The following SLC25A29 variants were observed in gnomAD, a reference collection of about 807,000 sequenced individuals.
SLC25A29 encodes the protein mitochondrial basic amino acids transporter.
A neutral mutation model predicts 10.0 loss-of-function variants in SLC25A29; 13 were observed. The observed-to-expected ratio is 1.30, with a 90% CI of 0.85 to 2.07. The LOEUF is 2.07. Ranked by LOEUF, SLC25A29 falls within the 30% of genes most tolerant of loss-of-function variation. The pLI is 0.00. For synonymous variants in SLC25A29, 244 were observed against 221.1 expected, an observed-to-expected ratio of 1.10 and a Z score of -0.92; for missense variants, 475 against 447.6, an observed-to-expected ratio of 1.06 and a Z score of -0.55.
downstream of SLC25A29, among the ~76,000 whole-genome samples, chr14:100,286,494 A>AGTG (rs1272664697): frequency 4.6e-5 from 1 of 21,692 alleles, no homozygotes; most frequent in Admixed American, 4.7e-4. Flanking sequence ...TTGCTTGCAG[A>AGTG]GGGGCGCTGG....
chr14:100,290,319 G>A (rs1345830919), downstream of SLC25A29, among the ~76,000 whole-genome samples: 2 of 152,252 alleles, frequency 1.3e-5, no homozygotes, highest in Non-Finnish European at 2.9e-5. Context: ...TGGCCAGGGT[G>A]TTTCCCCCAT....
intron 2 of SLC25A29, chr14:100,295,623 T>TA: frequency 7.8e-7 from 1 of 1,289,302 alleles, no homozygotes; most frequent in East Asian, 5.5e-5. Context: ...GGTCTGTACT[T>TA]ACTAGCGCTC....
chr14:100,293,238 C>T (rs920614993), intron 3 of SLC25A29, 56 bp downstream of exon 3: 6 of 1,581,772 alleles, frequency 3.8e-6, no homozygotes, highest in East Asian at 2.3e-5. Flanking sequence ...GGTGGCAGCC[C>T]GGAAGCTAGT....
At chr14:100,288,382 C>CA (rs541814439), downstream of SLC25A29, among the ~76,000 whole-genome samples, 558 of 63,824 alleles carry the variant, frequency 8.7e-3, 55 homozygotes, top group African/African-American at 0.028. Flanking sequence ...AACTCTATCT[C>CA]AAAAAAAAAA....
At chr14:100,288,007 G>A (rs1287636413), downstream of SLC25A29, among the ~76,000 whole-genome samples, 11 of 152,182 alleles carry the variant, frequency 7.2e-5, no homozygotes, top group Admixed American at 7.2e-4. Context: ...GAGACCAGAG[G>A]TCAAGGGGTG....
intron 2 of SLC25A29, 77 bp from the exon 3 acceptor site, chr14:100,293,454 C>T: frequency 2.2e-6 from 3 of 1,380,730 alleles, no homozygotes; most frequent in Non-Finnish European, 3.0e-6. Flanking sequence ...GCTTAGGCTG[C>T]CTAGGAGGGT....
At chr14:100,295,304 G>A (rs540950141) in intron 2 of SLC25A29, 1 of 246,064 alleles carries the variant, frequency 4.1e-6, no homozygotes, top group African/African-American at 2.3e-5. Context: ...TATAGCTCAG[G>A]CTCTTAAAAT....
chr14:100,298,949 A>G (rs562150091), intron 1 of SLC25A29, 64 bp from the exon 2 acceptor site: 1 of 1,592,398 alleles, frequency 6.3e-7, no homozygotes. Context: ...GGTGCTGGGC[A>G]GGAGGGGGTT....
intron 3 of SLC25A29, 72 bp from the exon 4 acceptor site, chr14:100,293,104 G>C (rs946904358): frequency 2.0e-5 from 30 of 1,464,476 alleles, no homozygotes; most frequent in Non-Finnish European, 2.6e-5. Flanking sequence ...AGGGGGTCGG[G>C]GGATGGCAGC....
chr14:100,293,591 T>G (rs1891933943), intron 2 of SLC25A29: 2 of 579,202 alleles, frequency 3.5e-6, no homozygotes, highest in Non-Finnish European at 6.2e-6. Context: ...GACAGGCTGC[T>G]GGAGACAGGG....
rs766816477 is a variant in SLC25A29 at position 100,292,325 on chromosome 14, G to A, written c.870C>T (p.Ala290=). Residue 290 remains alanine, a synonymous_variant, in exon 4 of 4, where the codon GCC becomes GCT. Coordinates refer to ENST00000359232, the MANE Select transcript of SLC25A29 (RefSeq NM_001039355.3). ...GCGCCAGGGCAGGCCCCGCAGGGGC[G>A]GCGGGCACAGCCTCGCCCTCGGGCC... The part of the protein sequence containing the change: ...EAGPEGEAVP[A]APAGPALAQP... 3 of 1,503,738 alleles carry A rather than the reference G, an allele frequency of 2.0e-6. No homozygotes were observed. Among genetic ancestry groups the A allele is most frequent in the South Asian group, 2.5e-5 (2 of 78,994 alleles). 93.1% of individuals were successfully genotyped at this position (1,503,738 alleles called of 1,614,324 possible).
chr14:100,289,125 C>T (rs907564943), downstream of SLC25A29, among the ~76,000 whole-genome samples: 23 of 152,234 alleles, frequency 1.5e-4, no homozygotes, highest in Non-Finnish European at 4.4e-5. Context: ...TTGGAAGAAG[C>T]AGGGAACAGT....
intron 2 of SLC25A29, chr14:100,294,643 C>T (rs965772808): frequency 2.0e-5 from 3 of 152,158 alleles, no homozygotes; most frequent in African/African-American, 4.8e-5. Context: ...GGGACATGAG[C>T]AGCTGTGTTG....
Position 100,306,315 on chromosome 14 carries a change from G to T in SLC25A29, c.-83C>A. 1.6e-6 allele frequency: 2 copies of T among 1,274,386 alleles called. No homozygotes were observed. The highest frequency in any genetic ancestry group is 2.4e-5 in the South Asian group (1 of 40,894). The allele number at this position is 1,274,386 out of a possible 1,614,324, so 78.9% of individuals were successfully genotyped here. Reference sequence around the variant, plus strand: ...CGGGCTGGGCGCCGTCGGGGTCCCCGAGCGCGCGGTGCCGGGGCTGGGCCT... The same window carrying T: ...CGGGCTGGGCGCCGTCGGGGTCCCCTAGCGCGCGGTGCCGGGGCTGGGCCT... On this transcript the variant is annotated 5_prime_UTR_variant, in exon 1 of 4. Coordinates refer to ENST00000359232, the MANE Select transcript of SLC25A29 (RefSeq NM_001039355.3).
the SLC25A29 span, among the ~76,000 whole-genome samples, chr14:100,285,840 C>T: frequency 6.6e-6 from 1 of 152,058 alleles, no homozygotes; most frequent in African/African-American, 2.4e-5. Context: ...GCAGCGCCCC[C>T]TGGAGGGCGG....
chr14:100,301,732 G>T (rs8019885), intron 1 of SLC25A29, among the ~76,000 whole-genome samples: 103,823 of 150,308 alleles, frequency 0.69, 35,886 homozygotes, highest in East Asian at 0.75. Context: ...GGATGGTCTC[G>T]ATCTCCTGAC....
intron 2 of SLC25A29, chr14:100,295,681 A>G (rs768134910): frequency 7.8e-7 from 1 of 1,289,562 alleles, no homozygotes; most frequent in South Asian, 1.2e-5. Context: ...CACTTTTGCT[A>G]TGGATGGAGA....
rs937760849 is a variant in SLC25A29, at chr14:100,293,318, G to A, written c.138C>T (p.Phe46=). ...CGCTCTCTTGCTTGATGATGGACTT[G>A]AAGCAGTGCAACGTCCCGCGGTACT... ...KPQYRGTLHC[F]KSIIKQESVL... Residue 46 remains phenylalanine, a synonymous_variant, in exon 3 of 4, where the codon TTC becomes TTT. Coordinates refer to ENST00000359232, the MANE Select transcript of SLC25A29 (RefSeq NM_001039355.3). 1 of 1,613,300 alleles carries A rather than the reference G, an allele frequency of 6.2e-7. No homozygotes were observed. Among genetic ancestry groups the A allele is most frequent in the Non-Finnish European group, 8.5e-7 (1 of 1,180,002 alleles).
downstream of SLC25A29, among the ~76,000 whole-genome samples, chr14:100,287,754 T>C (rs1422079205): frequency 6.6e-6 from 1 of 150,528 alleles, no homozygotes; most frequent in African/African-American, 2.4e-5. Context: ...AAAACATAAA[T>C]TGGATCCTGT....
Sources: allele counts gnomAD v4.1 joint callset (sites outside exome capture counted in the v4.1 genomes callset), GRCh38; gene constraint gnomAD v4.1.1; transcripts MANE v1.5; gene names NCBI Gene and HGNC (gene_info 2026-07-23, HGNC 2026-07-21).